The following FOXN3 variants were observed in gnomAD, a reference collection of about 807,000 sequenced individuals.
FOXN3 encodes the protein forkhead box protein N3.
In FOXN3, 7 loss-of-function variants were observed where a neutral mutation model predicts 38.4. The ratio of observed to expected loss-of-function variants is 0.18; its 90% CI spans 0.10 to 0.34. FOXN3 has a LOEUF of 0.34. Ranked by LOEUF, FOXN3 falls within the 10% of genes least tolerant of loss-of-function variation. The pLI is 1.00. For missense variants in FOXN3, 456 were observed against 613.4 expected, an observed-to-expected ratio of 0.74 and a Z score of 2.71; for synonymous variants, 230 against 242.2, an observed-to-expected ratio of 0.95 and a Z score of 0.47.
chr14:89,319,072 C>A (rs1887825052), intron 3 of FOXN3, among the ~76,000 whole-genome samples: 1 of 152,150 alleles, frequency 6.6e-6, no homozygotes, highest in Admixed American at 6.5e-5. Flanking sequence ...GATGTTGGTA[C>A]CTGAGTCAAG....
intron 2 of FOXN3, among the ~76,000 whole-genome samples, chr14:89,367,073 TTC>T (rs1315729917): frequency 6.6e-6 from 1 of 152,206 alleles, no homozygotes; most frequent in Non-Finnish European, 1.5e-5. Flanking sequence ...TCATGAGCCC[TTC>T]TCTCTCAGTG....
chr14:89,363,947 A>AATATATATATATATCTATATATATAT (rs1889985643), intron 2 of FOXN3, among the ~76,000 whole-genome samples: 1 of 111,400 alleles, frequency 9.0e-6, no homozygotes, highest in Non-Finnish European at 1.7e-5. Context: ...CTGTCTGTAA[A>AATATATATATATATCTATATATATAT]ATATATATAT....
At chr14:89,360,759 TCCACCACTACCACCTCCACC>T (rs1566966415) in intron 2 of FOXN3, among the ~76,000 whole-genome samples, 2 of 38,918 alleles carry the variant, frequency 5.1e-5, no homozygotes, top group East Asian at 8.6e-4. Context: ...CACCACCACC[TCCACCACTACCACCTCCACC>T]ACCACCTCCA....
intron 1 of FOXN3, among the ~76,000 whole-genome samples, chr14:89,517,974 G>C (rs868253287): frequency 2.0e-5 from 3 of 152,166 alleles, no homozygotes; most frequent in Non-Finnish European, 4.4e-5. Flanking sequence ...TATTTTAAAA[G>C]AGCCAAAACA....
Position 89,161,927 on chromosome 14 carries a change from A to G in FOXN3, c.*487T>C, listed in dbSNP as rs1020126382. The G allele has an allele frequency of 1.3e-5, 2 of 152,546 alleles. No homozygotes were observed. The highest frequency in any genetic ancestry group is 4.8e-5 in the African/African-American group (2 of 41,426). 9.4% of individuals were successfully genotyped at this position (152,546 alleles called of 1,614,324 possible). On this transcript the variant is annotated 3_prime_UTR_variant, in exon 6 of 6. Transcript: ENST00000557258. Reference sequence around the variant, plus strand: ...GACGAGGGGTTCCTCCTCCTCCTCAATTGCTTTATGTGCCTTCACTCAGTG... The same window carrying G: ...GACGAGGGGTTCCTCCTCCTCCTCAGTTGCTTTATGTGCCTTCACTCAGTG...
chr14:89,363,988 A>ATATATATATATATATATATATATAATAT (rs1420813459), intron 2 of FOXN3, among the ~76,000 whole-genome samples: 2 of 52,052 alleles, frequency 3.8e-5, no homozygotes, highest in African/African-American at 1.8e-4. Context: ...ATATATATAT[A>ATATATATATATATATATATATATAATAT]ATATATATAT....
chr14:89,530,336 G>A (rs554528125), intron 1 of FOXN3, among the ~76,000 whole-genome samples: 1 of 152,294 alleles, frequency 6.6e-6, no homozygotes, highest in South Asian at 2.1e-4. Flanking sequence ...CAAAGGAGAA[G>A]CAAAGGCATG....
chr14:89,543,303 A>G (rs1001681733), intron 1 of FOXN3, among the ~76,000 whole-genome samples: 4 of 152,204 alleles, frequency 2.6e-5, no homozygotes, highest in Non-Finnish European at 5.9e-5. Context: ...AGATGAAACA[A>G]TGAGCTTCCT....
intron 1 of FOXN3, among the ~76,000 whole-genome samples, chr14:89,436,420 C>T (rs952993034): frequency 3.9e-5 from 6 of 152,026 alleles, no homozygotes. Flanking sequence ...AACAAAGTGA[C>T]GTAGGGTCAC....
intron 2 of FOXN3, among the ~76,000 whole-genome samples, chr14:89,365,884 A>C (rs1890126243): frequency 6.6e-6 from 1 of 152,240 alleles, no homozygotes; most frequent in African/African-American, 2.4e-5. Context: ...TTTAAAATTT[A>C]ACATGAAAGT....
In FOXN3 at chr14:89,358,576, T is replaced by G. The variant is rs570182942; in HGVS notation, c.544-7768A>C. Among the ~76,000 whole-genome samples the G allele has an allele frequency of 1.7e-3, 263 of 152,320 alleles. 2 individuals are homozygous for G. Among genetic ancestry groups the G allele is most frequent in the African/African-American group, 5.9e-3 (245 of 41,570 alleles). The stretch of plus-strand genomic sequence containing the variant: ...TCACTCCCCACCCCGGGTCTTAGTT[T>G]CCTCATCTATAAATTAGGTGCTGAG... On this transcript the variant is annotated intron_variant, in intron 2 of 5. Transcript: ENST00000557258.
intron 2 of FOXN3, among the ~76,000 whole-genome samples, chr14:89,411,580 G>A (rs538638073): frequency 3.9e-5 from 6 of 152,194 alleles, no homozygotes; most frequent in African/African-American, 9.6e-5. Context: ...CATACTTCAC[G>A]GTTAATGGCT....
chr14:89,369,786 G>A (rs1890262677), intron 2 of FOXN3, among the ~76,000 whole-genome samples: 1 of 152,070 alleles, frequency 6.6e-6, no homozygotes, highest in Non-Finnish European at 1.5e-5. Context: ...CTCCCCCTAG[G>A]TCCCTCCCCA....
At chr14:89,524,385 AAAAAAAAAAAAAAAAAAAG>A (rs1192273567) in intron 1 of FOXN3, among the ~76,000 whole-genome samples, 3,142 of 111,690 alleles carry the variant, frequency 0.028, 202 homozygotes, top group African/African-American at 0.11. Flanking sequence ...AAAAAAAAAA[AAAAAAAAAAAAAAAAAAAG>A]AAAGAAAGAA....
intron 3 of FOXN3, among the ~76,000 whole-genome samples, chr14:89,281,865 T>C (rs916243820): frequency 1.3e-5 from 2 of 152,202 alleles, no homozygotes; most frequent in Non-Finnish European, 2.9e-5. Context: ...TAAATTACTC[T>C]CATCAAAATA....
chr14:89,546,422 C>T (rs1327030621), intron 1 of FOXN3, among the ~76,000 whole-genome samples: 4 of 147,284 alleles, frequency 2.7e-5, no homozygotes, highest in African/African-American at 5.0e-5. Context: ...CTCCGCCTCC[C>T]GGGTTCAAGT....
chr14:89,190,388 T>A, intron 4 of FOXN3: 1 of 1,613,160 alleles, frequency 6.2e-7, no homozygotes, highest in Non-Finnish European at 8.5e-7. Context: ...ACTCACAACC[T>A]GCTTGTATCT....
chr14:89,501,652 C>T (rs1391643213), intron 1 of FOXN3, among the ~76,000 whole-genome samples: 1 of 152,162 alleles, frequency 6.6e-6, no homozygotes, highest in African/African-American at 2.4e-5. Context: ...AAGCTGTCTG[C>T]ATAAAGCTCA....
intron 4 of FOXN3, among the ~76,000 whole-genome samples, chr14:89,195,817 G>A (rs1203058094): frequency 6.6e-6 from 1 of 152,116 alleles, no homozygotes; most frequent in Non-Finnish European, 1.5e-5. Context: ...TAAATTTTTG[G>A]ATGGGCAGGG....
Sources: allele counts gnomAD v4.1 joint callset (sites outside exome capture counted in the v4.1 genomes callset), GRCh38; gene constraint gnomAD v4.1.1; transcripts MANE v1.5; gene names NCBI Gene and HGNC (gene_info 2026-07-23, HGNC 2026-07-21).